The following SORCS3 variants were observed in gnomAD, a reference collection of about 807,000 sequenced individuals.
The protein encoded by SORCS3 is VPS10 domain-containing receptor SorCS3.
A neutral mutation model predicts 146.3 loss-of-function variants in SORCS3; 57 were observed. The ratio of observed to expected loss-of-function variants is 0.39; its 90% confidence interval spans 0.31 to 0.49. SORCS3 has a LOEUF of 0.49. Among genes scored for constraint, SORCS3 ranks in the 20% least tolerant of loss-of-function variants. The pLI, the probability that SORCS3 is intolerant of heterozygous loss-of-function variation, is 0.92. For synonymous variants in SORCS3, 653 were observed against 618.5 expected (o/e 1.06, Z -0.83); for missense variants, 1,341 against 1,575.5 (o/e 0.85, Z 2.52).
intron 4 of SORCS3, among the ~76,000 whole-genome samples, chr10:105,002,530 C>T (rs141001716): frequency 6.6e-6 from 1 of 152,298 alleles, no homozygotes; most frequent in African/African-American, 2.4e-5. Context: ...CTGTTCAATA[C>T]AGAAACCTCT....
intron 26 of SORCS3, among the ~76,000 whole-genome samples, chr10:105,262,958 A>T (rs1299208750): frequency 1.3e-5 from 2 of 151,928 alleles, no homozygotes; most frequent in Non-Finnish European, 1.5e-5. Context: ...TGTAGTACCT[A>T]AAAAAAACAA....
intron 4 of SORCS3, among the ~76,000 whole-genome samples, chr10:105,014,941 A>G (rs191525362): frequency 8.5e-5 from 13 of 152,346 alleles, no homozygotes; most frequent in African/African-American, 3.1e-4. Flanking sequence ...TGTGAGAAGT[A>G]AATCTCTGTT....
intron 7 of SORCS3, among the ~76,000 whole-genome samples, chr10:105,134,667 A>G (rs2056046551): frequency 6.6e-6 from 1 of 152,094 alleles, no homozygotes. Context: ...AACGGCCCCA[A>G]CTCTTAATAC....
At chr10:104,686,628 A>G (rs1384481211) in intron 1 of SORCS3, among the ~76,000 whole-genome samples, 3 of 151,862 alleles carry the variant, frequency 2.0e-5, no homozygotes, top group Non-Finnish European at 4.4e-5. Context: ...TCTCTCCCCC[A>G]TTTTTTCCTC....
chr10:104,746,426 G>T (rs114882776), intron 1 of SORCS3, among the ~76,000 whole-genome samples: 1 of 152,190 alleles, frequency 6.6e-6, no homozygotes, highest in Admixed American at 6.5e-5. Context: ...GTGAGCCACC[G>T]CACCAGCGAT....
chr10:105,075,758 C>T (rs1483978504), intron 5 of SORCS3, among the ~76,000 whole-genome samples: 1 of 152,112 alleles, frequency 6.6e-6, no homozygotes, highest in African/African-American at 2.4e-5. Context: ...GCTGTGGAGT[C>T]ACTGAACACC....
At chr10:104,914,567 G>A (rs932605907) in intron 2 of SORCS3, among the ~76,000 whole-genome samples, 2 of 152,110 alleles carry the variant, frequency 1.3e-5, no homozygotes, top group African/African-American at 2.4e-5. Flanking sequence ...ACAAGCCATC[G>A]GGCTGATGTG....
At position 104,814,373 on chromosome 10, in the gene SORCS3, C is replaced by T. The variant is rs561087586; in HGVS notation, c.628-28419C>T. Among the ~76,000 whole-genome samples, 4 of 152,332 alleles carry T rather than the reference C, an allele frequency of 2.6e-5. No homozygotes were observed. The South Asian group carries it at 8.3e-4, about 32-fold the overall frequency. On this transcript the variant is annotated intron_variant, in intron 1 of 26. Coordinates refer to ENST00000369701, the MANE Select transcript of SORCS3 (RefSeq NM_014978.3). ...ACCCTCCTCCAAAGCCCAGCTTTTA[C>T]ACTGACTCACCCTCAGCAACCCTGA...
At chr10:105,065,919 G>C (rs1444222121) in intron 5 of SORCS3, among the ~76,000 whole-genome samples, 2 of 152,168 alleles carry the variant, frequency 1.3e-5, no homozygotes, top group African/African-American at 4.8e-5. Context: ...TGGAATTTAG[G>C]TAGTGAGTCA....
chr10:105,040,303 A>G (rs1255318851), intron 4 of SORCS3, among the ~76,000 whole-genome samples: 1 of 152,164 alleles, frequency 6.6e-6, no homozygotes, highest in East Asian at 1.9e-4. Flanking sequence ...AGATGGGCAG[A>G]GGGATAGAAG....
intron 1 of SORCS3, among the ~76,000 whole-genome samples, chr10:104,777,729 T>C (rs1251408841): frequency 6.6e-6 from 1 of 152,144 alleles, no homozygotes; most frequent in Non-Finnish European, 1.5e-5. Context: ...CAAAACTGCC[T>C]GATTTTGTGT....
chr10:104,943,834 C>CTGGT (rs2019343992), intron 3 of SORCS3, among the ~76,000 whole-genome samples: 1 of 152,068 alleles, frequency 6.6e-6, no homozygotes, highest in Non-Finnish European at 1.5e-5. Context: ...TTAAGAAAGT[C>CTGGT]TGGTATTAGC....
intron 8 of SORCS3, among the ~76,000 whole-genome samples, chr10:105,143,586 A>G (rs942531907): frequency 2.6e-5 from 4 of 152,164 alleles, no homozygotes; most frequent in Admixed American, 2.6e-4. Context: ...CTTTTGTTGG[A>G]TGTCTACCAT....
intron 3 of SORCS3, among the ~76,000 whole-genome samples, chr10:104,917,492 ATAATACT>A (rs1262171375): frequency 2.0e-5 from 3 of 152,354 alleles, no homozygotes; most frequent in South Asian, 2.1e-4. Context: ...CTTTGTGGTG[ATAATACT>A]TAATATCTAC....
At chr10:105,039,451 CTTTTTTTTTT>C (rs920662213) in intron 4 of SORCS3, among the ~76,000 whole-genome samples, 4 of 96,550 alleles carry the variant, frequency 4.1e-5, no homozygotes, top group Non-Finnish European at 2.0e-5. Flanking sequence ...CTCTCGCTCT[CTTTTTTTTTT>C]TTTTTTTTTT....
chr10:104,893,799 T>C (rs1313443976), intron 2 of SORCS3, among the ~76,000 whole-genome samples: 1 of 152,208 alleles, frequency 6.6e-6, no homozygotes, highest in South Asian at 2.1e-4. Flanking sequence ...AGGCAAGCAC[T>C]GCCATGCTTA....
chr10:105,029,836 A>G (rs1410632889), intron 4 of SORCS3, among the ~76,000 whole-genome samples: 1 of 152,250 alleles, frequency 6.6e-6, no homozygotes, highest in East Asian at 1.9e-4. Flanking sequence ...AGCTTCCTCA[A>G]GAATTACCTG....
At chr10:104,972,169 T>C (rs1337225095) in intron 3 of SORCS3, among the ~76,000 whole-genome samples, 1 of 152,046 alleles carries the variant, frequency 6.6e-6, no homozygotes, top group East Asian at 1.9e-4. Context: ...CAAAACCCCA[T>C]CTCTACTAAA....
At chr10:104,836,781 G>C (rs575375575) in intron 1 of SORCS3, among the ~76,000 whole-genome samples, 71 of 151,924 alleles carry the variant, frequency 4.7e-4, no homozygotes, top group African/African-American at 1.6e-3. Context: ...CGTATATCAT[G>C]GTGCACTCAA....
Sources: allele counts gnomAD v4.1 joint callset (sites outside exome capture counted in the v4.1 genomes callset), GRCh38; gene constraint gnomAD v4.1.1; transcripts MANE v1.5; gene names NCBI Gene and HGNC (gene_info 2026-07-23, HGNC 2026-07-21).